Variants in SLC35D4 observed in about 807,000 individuals in gnomAD.
SLC35D4 encodes the protein UDP-N-acetylglucosamine transporter SLC35D4.
At chr18:23,284,823 TCTC>T in the SLC35D4 span, among the ~76,000 whole-genome samples, 103 of 152,218 alleles carry the variant, frequency 6.8e-4, no homozygotes, top group Admixed American at 1.8e-3. Flanking sequence ...TGATTGGTCT[TCTC>T]CACCTCTGAC....
At chr18:23,297,878 T>G in the SLC35D4 span, 1 of 1,086,702 alleles carries the variant, frequency 9.2e-7, no homozygotes, top group Non-Finnish European at 1.3e-6. Flanking sequence ...ACTGCCCACC[T>G]GGCCTCACTG....
chr18:23,327,384 C>A, the SLC35D4 span, among the ~76,000 whole-genome samples: 3 of 152,260 alleles, frequency 2.0e-5, no homozygotes, highest in South Asian at 6.2e-4. Flanking sequence ...ACTGATCCCA[C>A]AGAAATACAA....
At chr18:23,251,147 G>A in the SLC35D4 span, among the ~76,000 whole-genome samples, 3 of 152,160 alleles carry the variant, frequency 2.0e-5, no homozygotes, top group Non-Finnish European at 4.4e-5. Context: ...CCTGAGCTTT[G>A]ACTGATTAAG....
the SLC35D4 span, chr18:23,258,639 T>C: frequency 2.6e-5 from 4 of 152,244 alleles, no homozygotes; most frequent in African/African-American, 4.8e-5. Context: ...AATTAAACTC[T>C]TGTTGCTTTT....
chr18:23,280,752 CTG>C, the SLC35D4 span, among the ~76,000 whole-genome samples: 4 of 151,882 alleles, frequency 2.6e-5, no homozygotes, highest in African/African-American at 9.7e-5. Flanking sequence ...GCATAACAGA[CTG>C]TACTAAAGGC....
the SLC35D4 span, among the ~76,000 whole-genome samples, chr18:23,288,596 C>T: frequency 2.0e-5 from 3 of 151,982 alleles, no homozygotes; most frequent in South Asian, 2.1e-4. Flanking sequence ...CTCAACATGC[C>T]CCGAGTCAGG....
At chr18:23,243,124 C>T in the SLC35D4 span, among the ~76,000 whole-genome samples, 2 of 151,192 alleles carry the variant, frequency 1.3e-5, no homozygotes, top group Non-Finnish European at 2.9e-5. Context: ...TAAAAGTTAC[C>T]TGGATGATTT....
the SLC35D4 span, among the ~76,000 whole-genome samples, chr18:23,303,585 T>C: frequency 3.9e-5 from 6 of 152,210 alleles, no homozygotes; most frequent in East Asian, 1.9e-4. Flanking sequence ...GCAGGCTTAC[T>C]TGTAAGAGAG....
chr18:23,299,806 T>A, the SLC35D4 span, among the ~76,000 whole-genome samples: 6 of 152,262 alleles, frequency 3.9e-5, no homozygotes, highest in East Asian at 1.2e-3. Context: ...TGGTTCACAA[T>A]GGGGATGGAG....
At chr18:23,273,313 G>C in the SLC35D4 span, among the ~76,000 whole-genome samples, 10,259 of 152,246 alleles carry the variant, frequency 0.067, 411 homozygotes, top group East Asian at 0.14. Context: ...ACTGCAAAAA[G>C]AAGGAAGGAG....
At chr18:23,270,505 C>T in the SLC35D4 span, among the ~76,000 whole-genome samples, 1 of 152,214 alleles carries the variant, frequency 6.6e-6, no homozygotes, top group Non-Finnish European at 1.5e-5. Context: ...AAGAGGGCCA[C>T]CATCTTCCAG....
chr18:23,374,385 AAAC>A, the SLC35D4 span, among the ~76,000 whole-genome samples: 1 of 152,264 alleles, frequency 6.6e-6, no homozygotes, highest in Admixed American at 6.5e-5. Context: ...ACAGTTCACA[AAAC>A]AACAGGCCTC....
At chr18:23,311,886 C>T in the SLC35D4 span, among the ~76,000 whole-genome samples, 2 of 151,262 alleles carry the variant, frequency 1.3e-5, no homozygotes, top group South Asian at 2.1e-4. Flanking sequence ...GTCATTCTTT[C>T]CTTTTGCAAC....
At chr18:23,324,742 G>A in the SLC35D4 span, among the ~76,000 whole-genome samples, 2 of 152,190 alleles carry the variant, frequency 1.3e-5, no homozygotes, top group African/African-American at 2.4e-5. Context: ...AGGGGAGGAA[G>A]AGTGGGAAGG....
chr18:23,415,531 A>T, the SLC35D4 span, among the ~76,000 whole-genome samples: 1 of 152,250 alleles, frequency 6.6e-6, no homozygotes, highest in Non-Finnish European at 1.5e-5. Context: ...TGCCTTCTGC[A>T]ATGGTTCCAG....
the SLC35D4 span, among the ~76,000 whole-genome samples, chr18:23,391,841 T>C: frequency 3.9e-5 from 6 of 152,322 alleles, no homozygotes; most frequent in East Asian, 7.7e-4. Context: ...TCAGACCCAA[T>C]TGTAATTATG....
the SLC35D4 span, among the ~76,000 whole-genome samples, chr18:23,287,049 A>G: frequency 2.0e-5 from 3 of 151,232 alleles, no homozygotes; most frequent in Non-Finnish European, 4.4e-5. Flanking sequence ...CCAATATCCC[A>G]TCCCACAGCA....
the SLC35D4 span, among the ~76,000 whole-genome samples, chr18:23,305,981 C>T: frequency 6.6e-6 from 1 of 152,204 alleles, no homozygotes; most frequent in African/African-American, 2.4e-5. Flanking sequence ...CTTTTAGACT[C>T]CCCATCATGG....
chr18:23,379,621 G>C, the SLC35D4 span, among the ~76,000 whole-genome samples: 2 of 152,160 alleles, frequency 1.3e-5, no homozygotes, highest in Middle Eastern at 3.2e-3. Context: ...CAGATCCTGG[G>C]ATACAGAGAG....
Sources: gnomAD v4.1 joint callset for allele counts (sites outside exome capture counted in the v4.1 genomes callset) on GRCh38, gnomAD v4.1.1 for gene constraint, MANE v1.5 for transcripts, NCBI Gene and HGNC (gene_info 2026-07-23, HGNC 2026-07-21) for gene names.